RCAN2: variants seen among roughly 807,000 people sequenced by gnomAD.
RCAN2 encodes the protein regulator of calcineurin 2.
In RCAN2, 9 loss-of-function variants were observed where a neutral mutation model predicts 23.6. The ratio of observed to expected loss-of-function variants is 0.38; its 90% CI spans 0.23 to 0.67. The LOEUF (loss-of-function observed/expected upper bound fraction) is 0.67. Among genes scored for constraint, RCAN2 ranks in the 30% least tolerant of loss-of-function variants. RCAN2 has a pLI of 0.51. For synonymous variants in RCAN2, 109 were observed against 115.7 expected, an observed-to-expected ratio of 0.94 and a Z score of 0.37; for missense variants, 273 against 302.3, an observed-to-expected ratio of 0.90 and a Z score of 0.72.
intron 2 of RCAN2, among the ~76,000 whole-genome samples, chr6:46,343,029 G>A (rs963328315): frequency 3.9e-5 from 6 of 152,064 alleles, no homozygotes; most frequent in East Asian, 1.9e-4. Context: ...TCCTCAAATC[G>A]ATTAAAGATA....
At chr6:46,290,807 A>G (rs1461819305) in intron 2 of RCAN2, among the ~76,000 whole-genome samples, 2 of 152,256 alleles carry the variant, frequency 1.3e-5, no homozygotes, top group African/African-American at 4.8e-5. Flanking sequence ...TTATGTACAC[A>G]GAAATATAGT....
At chr6:46,291,321 A>G (rs1179516107) in intron 2 of RCAN2, among the ~76,000 whole-genome samples, 1 of 151,482 alleles carries the variant, frequency 6.6e-6, no homozygotes, top group Non-Finnish European at 1.5e-5. Flanking sequence ...TGCTTTTTAA[A>G]TGAAAGCAAG....
intron 2 of RCAN2, among the ~76,000 whole-genome samples, chr6:46,265,143 C>T (rs1767279245): frequency 6.6e-6 from 1 of 152,078 alleles, no homozygotes; most frequent in African/African-American, 2.4e-5. Flanking sequence ...AATTCTTGTG[C>T]AATCCTGGAG....
chr6:46,259,751 T>C (rs1767048231), intron 2 of RCAN2, among the ~76,000 whole-genome samples: 1 of 152,222 alleles, frequency 6.6e-6, no homozygotes, highest in Non-Finnish European at 1.5e-5. Context: ...GCTTTGCTTC[T>C]GACCCACTAG....
At chr6:46,247,988 G>A (rs554556487) in intron 3 of RCAN2, among the ~76,000 whole-genome samples, 2 of 152,206 alleles carry the variant, frequency 1.3e-5, no homozygotes, top group Admixed American at 6.5e-5. Context: ...ATTTGAACAT[G>A]GATGCAGGGC....
intron 2 of RCAN2, among the ~76,000 whole-genome samples, chr6:46,409,140 A>T (rs1034754528): frequency 1.3e-5 from 2 of 152,178 alleles, no homozygotes; most frequent in Non-Finnish European, 2.9e-5. Context: ...ACAAATATTA[A>T]CAATTCTGTT....
At chr6:46,389,674 T>G (rs972363024) in intron 2 of RCAN2, among the ~76,000 whole-genome samples, 1 of 152,210 alleles carries the variant, frequency 6.6e-6, no homozygotes, top group Admixed American at 6.5e-5. Context: ...GGCTTATGAA[T>G]GCAAAGAAAA....
At chr6:46,483,499 G>A (rs1388160431) in intron 1 of RCAN2, among the ~76,000 whole-genome samples, 2 of 152,170 alleles carry the variant, frequency 1.3e-5, no homozygotes, top group East Asian at 1.9e-4. Flanking sequence ...CAGGGTGCAA[G>A]CCAAGAATCC....
At chr6:46,346,911 T>A (rs1249238520) in intron 2 of RCAN2, among the ~76,000 whole-genome samples, 6 of 152,112 alleles carry the variant, frequency 3.9e-5, no homozygotes, top group Admixed American at 3.9e-4. Flanking sequence ...AATCTCGCTC[T>A]GTCACCCAGG....
chr6:46,371,660 A>T (rs1257187665), intron 2 of RCAN2, among the ~76,000 whole-genome samples: 1 of 152,276 alleles, frequency 6.6e-6, no homozygotes, highest in Non-Finnish European at 1.5e-5. Context: ...AGATGCCCAT[A>T]GTCAGCCAAT....
intron 2 of RCAN2, among the ~76,000 whole-genome samples, chr6:46,435,876 T>C (rs772974305): frequency 6.6e-6 from 1 of 152,226 alleles, no homozygotes; most frequent in Non-Finnish European, 1.5e-5. Flanking sequence ...GCATCTAGTC[T>C]TTGTAACTAT....
chr6:46,271,432 A>G (rs1210671658), intron 2 of RCAN2, among the ~76,000 whole-genome samples: 5 of 152,208 alleles, frequency 3.3e-5, no homozygotes, highest in Admixed American at 2.0e-4. Context: ...ACCAATTTAA[A>G]TGTTAATCTC....
chr6:46,491,012 C>T (rs1186484568), intron 1 of RCAN2, among the ~76,000 whole-genome samples, 161 bp downstream of exon 1: 1 of 110,862 alleles, frequency 9.0e-6, no homozygotes, highest in African/African-American at 2.8e-5. Context: ...CCCCCACCCC[C>T]GCCACCGCCC....
At chr6:46,359,555 C>A (rs568533830) in intron 2 of RCAN2, among the ~76,000 whole-genome samples, 1 of 152,282 alleles carries the variant, frequency 6.6e-6, no homozygotes, top group Admixed American at 6.5e-5. Context: ...TAATCAAAAT[C>A]TTTCAACTGT....
intron 2 of RCAN2, among the ~76,000 whole-genome samples, chr6:46,292,882 C>G (rs1042538005): frequency 1.3e-5 from 2 of 152,132 alleles, no homozygotes; most frequent in African/African-American, 4.8e-5. Flanking sequence ...AGCCCTCCAC[C>G]CCCACGACAG....
chr6:46,333,167 T>C (rs1764038501), intron 2 of RCAN2, among the ~76,000 whole-genome samples: 1 of 152,198 alleles, frequency 6.6e-6, no homozygotes, highest in African/African-American at 2.4e-5. Context: ...TTTTTTTTTC[T>C]TGTAAATTTG....
At chr6:46,256,941 C>T (rs1766938354) in intron 2 of RCAN2, among the ~76,000 whole-genome samples, 2 of 152,164 alleles carry the variant, frequency 1.3e-5, no homozygotes, top group African/African-American at 2.4e-5. Context: ...TAACCCTCAT[C>T]AGTTATACAG....
In RCAN2 at chr6:46,283,051, G is replaced by A. The variant is rs1393753098; in HGVS notation, c.226-34155C>T. 7.2e-5 allele frequency among the ~76,000 whole-genome samples: 11 copies of A among 152,302 alleles called. No individual in the cohort carries two copies. The East Asian group carries it at 1.7e-3, about 24-fold the overall frequency. On this transcript the variant is annotated intron_variant, in intron 2 of 4. Coordinates refer to ENST00000371374, the MANE Select transcript of RCAN2 (RefSeq NM_001251974.2). Reference sequence around the variant, plus strand: ...CCGGGGGCTGGCAGGGAGGCAATAAGCCTTTACTGACTGAATGATGGAGAA... The same window carrying A: ...CCGGGGGCTGGCAGGGAGGCAATAAACCTTTACTGACTGAATGATGGAGAA...
intron 2 of RCAN2, among the ~76,000 whole-genome samples, chr6:46,375,238 C>T (rs546765257): frequency 6.6e-6 from 1 of 152,196 alleles, no homozygotes; most frequent in Non-Finnish European, 1.5e-5. Flanking sequence ...AACCACCATG[C>T]CTGGGCAACT....
Sources: gnomAD v4.1 joint callset for allele counts (sites outside exome capture counted in the v4.1 genomes callset) on GRCh38, gnomAD v4.1.1 for gene constraint, MANE v1.5 for transcripts, NCBI Gene and HGNC (gene_info 2026-07-23, HGNC 2026-07-21) for gene names.